The following UBE2O variants were observed in gnomAD, a reference collection of about 807,000 sequenced individuals.
UBE2O encodes the protein ubiquitin conjugating enzyme E2 O.
UBE2O carries 15 observed loss-of-function variants against 125.8 expected under a neutral mutation model. The ratio of observed to expected loss-of-function variants is 0.12; its 90% CI spans 0.08 to 0.18. UBE2O has a LOEUF of 0.18. Ranked by LOEUF, UBE2O falls within the 10% of genes least tolerant of loss-of-function variation. The probability of loss-of-function intolerance (pLI) is 1.00; values close to 1 mark genes in which losing one functional copy is unlikely to be tolerated. For synonymous variants in UBE2O, 708 were observed against 703.2 expected, an observed-to-expected ratio of 1.01 and a Z score of -0.11; for missense variants, 1,280 against 1,723.6, an observed-to-expected ratio of 0.74 and a Z score of 4.56.
Position 76,400,372 on chromosome 17 carries a change from C to T in UBE2O, c.1004+69G>A. The T allele has an allele frequency of 6.3e-7, 1 of 1,594,022 alleles. No homozygotes were observed. Among genetic ancestry groups the T allele is most frequent in the Non-Finnish European group, 8.6e-7 (1 of 1,167,582 alleles). Reference sequence around the variant, plus strand: ...AGCAGTGTTCTTAAGCCTCCCCAGGCATGTGACCAGGGCCCAGAGCCCTGT... The same window carrying T: ...AGCAGTGTTCTTAAGCCTCCCCAGGTATGTGACCAGGGCCCAGAGCCCTGT... On this transcript the variant is annotated intron_variant, in intron 7 of 17. Coordinates refer to ENST00000319380, the MANE Select transcript of UBE2O (RefSeq NM_022066.4). The surrounding 1 kb of genome is among the most constrained non-coding windows in gnomAD (Gnocchi z 4.3).
At chr17:76,406,824 CGAGTA>C (rs1252971495) in intron 1 of UBE2O, among the ~76,000 whole-genome samples, 6 of 151,602 alleles carry the variant, frequency 4.0e-5, no homozygotes, top group Non-Finnish European at 1.5e-5. Flanking sequence ...CTCAGCCTCC[CGAGTA>C]GGTGGGACTG....
At chr17:76,445,560 CAGG>C (rs2073138115) in intron 1 of UBE2O, among the ~76,000 whole-genome samples, 1 of 152,204 alleles carries the variant, frequency 6.6e-6, no homozygotes, top group Admixed American at 6.5e-5. Context: ...AATACTGCTT[CAGG>C]AGAACACAGC....
rs1020501881 is a variant in UBE2O at position 76,452,684 on chromosome 17, A to T, written c.417+41T>A. 2.2e-6 allele frequency: 3 copies of T among 1,343,008 alleles called. No individual in the cohort carries two copies. Among genetic ancestry groups the T allele is most frequent in the Non-Finnish European group, 2.8e-6 (3 of 1,057,718 alleles). The allele number at this position is 1,343,008 out of a possible 1,614,324, so 83.2% of individuals were successfully genotyped here. On this transcript the variant is annotated intron_variant, in intron 1 of 17. Coordinates refer to ENST00000319380, the MANE Select transcript of UBE2O (RefSeq NM_022066.4). The surrounding 1 kb of genome is among the most constrained non-coding windows in gnomAD (Gnocchi z 4.4). Reference sequence around the variant, plus strand: ...TTCCCTGGCCTCGGCCCGGCCGCCGACCCCCTGCCGCCCGCGCCGCCCAGC... The same window carrying T: ...TTCCCTGGCCTCGGCCCGGCCGCCGTCCCCCTGCCGCCCGCGCCGCCCAGC...
rs114107891 is a variant in UBE2O at position 76,398,272 on chromosome 17, G to A, written c.2008C>T (p.Pro670Ser). 1.4e-3 allele frequency: 2,321 copies of A among 1,614,172 alleles called. 35 individuals carry two copies. The African/African-American group carries it at 0.026, about 18-fold the overall frequency. Reference protein sequence around the residue: ...IRIGNTEDGAPHKEDEPSVGQ... With the variant: ...IRIGNTEDGASHKEDEPSVGQ... ...AGGCGTACCTCATCCTCCTTGTGAGGAGCCCCATCCTCAGTATTGCCGATG... is the reference window on the plus strand; with the variant it reads ...AGGCGTACCTCATCCTCCTTGTGAGAAGCCCCATCCTCAGTATTGCCGATG... Residue 670 changes from proline to serine, a missense_variant, in exon 12 of 18, where the codon CCT becomes TCT. By Grantham distance (74) the Pro-to-Ser change is moderately conservative (BLOSUM62 -1). Transcript: ENST00000319380. The surrounding 1 kb of genome is among the most constrained non-coding windows in gnomAD (Gnocchi z 5.4).
Position 76,452,664 on chromosome 17 carries a change from TG to T in UBE2O, c.417+60del. On this transcript the variant is annotated intron_variant, in intron 1 of 17. Coordinates refer to ENST00000319380, the MANE Select transcript of UBE2O (RefSeq NM_022066.4). The surrounding 1 kb of genome is among the most constrained non-coding windows in gnomAD (Gnocchi z 4.4). Reference sequence around the variant, plus strand: ...CAGGGCCCTGCACGCCGTCCTTCCCTGGCCTCGGCCCGGCCGCCGACCCCCT... The same window carrying T: ...CAGGGCCCTGCACGCCGTCCTTCCCTGCCTCGGCCCGGCCGCCGACCCCCT... 7.5e-7 allele frequency: 1 copy of T among 1,331,136 alleles called. No individual in the cohort carries two copies. Among genetic ancestry groups the T allele is most frequent in the Non-Finnish European group, 9.5e-7 (1 of 1,048,464 alleles). The allele number at this position is 1,331,136 out of a possible 1,614,324, so 82.5% of individuals were successfully genotyped here.
Position 76,390,845 on chromosome 17 carries a change from G to A in UBE2O, c.*98C>T, listed in dbSNP as rs908390119. On this transcript the variant is annotated 3_prime_UTR_variant, in exon 18 of 18. Transcript: ENST00000319380. ...GAAGAGGGCAGTGGGTTTGCAGTGG[G>A]GACAGAGGGGCATGGGAAGAGGGGT... 8.6e-6 allele frequency: 11 copies of A among 1,283,874 alleles called. No homozygotes were observed. In the African/African-American group the frequency reaches 1.6e-4, roughly 19 times the overall value. The allele number at this position is 1,283,874 out of a possible 1,614,324, so 79.5% of individuals were successfully genotyped here. A position where few individuals can be genotyped will look rare whatever the true frequency, so the allele number is the denominator to read the frequency against.
At position 76,396,274 on chromosome 17, in the gene UBE2O, T is replaced by C. The variant is rs958539389; in HGVS notation, c.2663A>G (p.Lys888Arg). Residue 888 changes from lysine (K) to arginine (R), a missense_variant, in exon 14 of 18, where the codon AAG (lysine) becomes AGG (arginine). Physicochemically the swap from Lys to Arg is conservative, Grantham distance 26. Coordinates refer to ENST00000319380, the MANE Select transcript of UBE2O (RefSeq NM_022066.4). This position sits in a 1 kb window ranked among gnomAD's most constrained non-coding sequence, Gnocchi z 6.7. The stretch of plus-strand genomic sequence containing the variant: ...TGACTGCCCCTCGGGCTTGTCCTCC[T>C]TGCGCTCTACGTCGGGCACTGCTTC... Reference protein sequence around the residue: ...KMEAVPDVERKEDKPEGQSPV... With the variant: ...KMEAVPDVERREDKPEGQSPV... 6 of 1,614,122 alleles carry C rather than the reference T, an allele frequency of 3.7e-6. No individual in the cohort carries two copies. The highest frequency in any genetic ancestry group is 4.2e-6 in the Non-Finnish European group (5 of 1,180,050).
At chr17:76,397,239 A>G (rs2072227497) in intron 13 of UBE2O, among the ~76,000 whole-genome samples, 1 of 152,234 alleles carries the variant, frequency 6.6e-6, no homozygotes, top group African/African-American at 2.4e-5. Flanking sequence ...AAGGGCCGAC[A>G]TATCCTGCTG....
At chr17:76,420,015 C>T (rs767503861) in intron 1 of UBE2O, among the ~76,000 whole-genome samples, 1 of 152,150 alleles carries the variant, frequency 6.6e-6, no homozygotes, top group Non-Finnish European at 1.5e-5. Flanking sequence ...CATGACATAA[C>T]CTTGGGGCAG....
intron 1 of UBE2O, among the ~76,000 whole-genome samples, chr17:76,437,157 A>AT (rs1344962116): frequency 6.6e-6 from 1 of 150,836 alleles, no homozygotes; most frequent in Non-Finnish European, 1.5e-5. Flanking sequence ...TTTAAAAAAA[A>AT]AAAAAAAAGG....
At chr17:76,415,163 G>C (rs2072580771) in intron 1 of UBE2O, among the ~76,000 whole-genome samples, 1 of 152,186 alleles carries the variant, frequency 6.6e-6, no homozygotes, top group Non-Finnish European at 1.5e-5. Context: ...CAGGCACAGA[G>C]CAAGTTCACA....
chr17:76,445,827 C>CA (rs1779980910), intron 1 of UBE2O, among the ~76,000 whole-genome samples: 1 of 152,218 alleles, frequency 6.6e-6, no homozygotes, highest in Non-Finnish European at 1.5e-5. Flanking sequence ...TGGCTCCTGA[C>CA]AGAGTCCCCC....
chr17:76,391,318 C>A lies in UBE2O; in HGVS notation c.3504G>T (p.Ser1168=). 4 of 1,612,892 alleles carry A rather than the reference C, an allele frequency of 2.5e-6. No individual in the cohort carries two copies. The highest frequency in any genetic ancestry group is 1.7e-6 in the Non-Finnish European group (2 of 1,180,006). The change falls in exon 18 of 18, where the codon TCG becomes TCT. Residue 1168 remains serine, a synonymous_variant. Transcript: ENST00000319380. The surrounding 1 kb of genome is among the most constrained non-coding windows in gnomAD (Gnocchi z 8.4). Reference sequence around the variant, plus strand: ...GCTCGGCTACAGCTGGGGGCTCTGGCGAGCTGCTGGCCTTGGGCACCCCGT... The same window carrying A: ...GCTCGGCTACAGCTGGGGGCTCTGGAGAGCTGCTGGCCTTGGGCACCCCGT... ...LPNGVPKASS[S]PEPPAVAELS...
intron 1 of UBE2O, among the ~76,000 whole-genome samples, chr17:76,446,468 A>C (rs2073154079): frequency 6.6e-6 from 1 of 152,244 alleles, no homozygotes; most frequent in South Asian, 2.1e-4. Context: ...CAAACAAAAA[A>C]AAAAACCAAA....
At chr17:76,415,795 C>CTGTGTG (rs34127040) in intron 1 of UBE2O, among the ~76,000 whole-genome samples, 2,415 of 143,246 alleles carry the variant, frequency 0.017, 34 homozygotes, top group African/African-American at 0.036. Context: ...CAGAGCAAGA[C>CTGTGTG]TGTGTGTGTG....
chr17:76,448,571 A>C (rs2073185402), intron 1 of UBE2O, among the ~76,000 whole-genome samples: 1 of 152,250 alleles, frequency 6.6e-6, no homozygotes, highest in African/African-American at 2.4e-5. Flanking sequence ...GAGGCACTAT[A>C]TCTCAAACCT....
In UBE2O at chr17:76,402,996, G is replaced by C. The variant is rs923427241; in HGVS notation, c.589-297C>G. Among the ~76,000 whole-genome samples, 4 of 152,248 alleles carry C rather than the reference G, an allele frequency of 2.6e-5. No homozygotes were observed. Among genetic ancestry groups the C allele is most frequent in the Admixed American group, 6.5e-5 (1 of 15,296 alleles). The stretch of plus-strand genomic sequence containing the variant: ...AGGCCTGATGGCATCCATGGACATG[G>C]GACATCCATGGACACAGGACACCTG... On this transcript the variant is annotated intron_variant, in intron 3 of 17. Coordinates refer to ENST00000319380, the MANE Select transcript of UBE2O (RefSeq NM_022066.4). The surrounding 1 kb of genome is among the most constrained non-coding windows in gnomAD (Gnocchi z 5.4).
Position 76,391,658 on chromosome 17 carries a change from C to CA in UBE2O, c.3209-46dup. 1 of 1,600,716 alleles carries CA rather than the reference C, an allele frequency of 6.2e-7. No individual in the cohort carries two copies. The highest frequency in any genetic ancestry group is 1.7e-4 in the Middle Eastern group (1 of 5,998). Reference sequence around the variant, plus strand: ...TCCCTCAGTGGGTGAGAGAGGCCCACAATGCAGGCCTACCCTCCACCTGCC... The same window carrying CA: ...TCCCTCAGTGGGTGAGAGAGGCCCACAAATGCAGGCCTACCCTCCACCTGCC... On this transcript the variant is annotated intron_variant, in intron 17 of 17. Transcript: ENST00000319380. The surrounding 1 kb of genome is among the most constrained non-coding windows in gnomAD (Gnocchi z 8.4).
chr17:76,431,465 G>A (rs900583661), intron 1 of UBE2O, among the ~76,000 whole-genome samples: 6 of 152,274 alleles, frequency 3.9e-5, no homozygotes, highest in South Asian at 2.1e-4. Context: ...GCAGTGAGCC[G>A]AGATCGCACT....
Sources: gnomAD v4.1 joint callset for allele counts (sites outside exome capture counted in the v4.1 genomes callset) on GRCh38, gnomAD v4.1.1 for gene constraint, Gnocchi (gnomAD v3.1) non-coding constraint, MANE v1.5 for transcripts, NCBI Gene and HGNC (gene_info 2026-07-23, HGNC 2026-07-21) for gene names.